GMEB2: variants seen among roughly 807,000 people sequenced by gnomAD.
The protein encoded by GMEB2 is glucocorticoid modulatory element binding protein 2.
GMEB2 carries 7 observed loss-of-function variants against 45.7 expected under a neutral mutation model. The observed-to-expected ratio is 0.15, with a 90% CI of 0.09 to 0.29. The LOEUF (loss-of-function observed/expected upper bound fraction) is 0.29. Among genes scored for constraint, GMEB2 ranks in the 10% least tolerant of loss-of-function variants. GMEB2 has a pLI of 1.00. For missense variants in GMEB2, 582 were observed against 739.2 expected (o/e 0.79, Z 2.47); for synonymous variants, 322 against 323.6 (o/e 1.00, Z 0.05).
In GMEB2 at chr20:63,597,753, C is replaced by T. The variant is rs761312114; in HGVS notation, c.461+4G>A. 14 of 1,540,692 alleles carry T rather than the reference C, an allele frequency of 9.1e-6. No individual in the cohort carries two copies. The highest frequency in any genetic ancestry group is 1.3e-5 in the Non-Finnish European group (14 of 1,113,126). The stretch of plus-strand genomic sequence containing the variant: ...AGGGAGGCTGACCCTGCGCCAGCGC[C>T]CACCTGAGCATGATGCCGTTCATGC... On this transcript the variant is annotated splice_donor_region_variant and intron_variant, in intron 5 of 9. Coordinates refer to ENST00000370077, the MANE Select transcript of GMEB2 (RefSeq NM_012384.5).
chr20:63,604,459 G>C (rs2089502935), intron 3 of GMEB2, among the ~76,000 whole-genome samples: 1 of 152,196 alleles, frequency 6.6e-6, no homozygotes, highest in African/African-American at 2.4e-5. Flanking sequence ...CTGAAACAGT[G>C]AGAAGAAAAC....
In GMEB2 at chr20:63,590,473, G is replaced by A; in HGVS notation, c.1209C>T (p.Ser403=). The part of the protein sequence containing the change: ...LTSVPLGKVV[S]TLPSTVLGKG... ...TGCCCAGGACGGTGGACGGCAGGGT[G>A]GACACCACTTTACCAAGGGGCACGC... Residue 403 remains serine, a synonymous_variant, in exon 10 of 10, where the codon TCC becomes TCT. Transcript: ENST00000370077. 2 of 1,508,998 alleles carry A rather than the reference G, an allele frequency of 1.3e-6. No homozygotes were observed. Among genetic ancestry groups the A allele is most frequent in the Non-Finnish European group, 1.8e-6 (2 of 1,122,696 alleles). 93.5% of individuals were successfully genotyped at this position (1,508,998 alleles called of 1,614,324 possible).
At position 63,626,998 on chromosome 20, in the gene GMEB2, C is replaced by T; in HGVS notation, c.-100G>A. ...CTGCTTAGGCACCCGGCGGGGGCGGCGGCGTCGGGAGCTGCGGCGGCGGCG... is the reference window on the plus strand; with the variant it reads ...CTGCTTAGGCACCCGGCGGGGGCGGTGGCGTCGGGAGCTGCGGCGGCGGCG... On this transcript the variant is annotated 5_prime_UTR_variant, in exon 1 of 10. Coordinates refer to ENST00000370077, the MANE Select transcript of GMEB2 (RefSeq NM_012384.5). 6.8e-6 allele frequency: 1 copy of T among 147,116 alleles called. No homozygotes were observed. Among genetic ancestry groups the T allele is most frequent in the Non-Finnish European group, 1.5e-5 (1 of 66,978 alleles). 9.1% of individuals were successfully genotyped at this position (147,116 alleles called of 1,614,324 possible).
intron 2 of GMEB2, among the ~76,000 whole-genome samples, chr20:63,618,210 G>A (rs2089622724): frequency 1.3e-5 from 2 of 152,192 alleles, no homozygotes. Context: ...GAATGGAGGT[G>A]TGAACATCCA....
rs34930799 is a variant in GMEB2, at chr20:63,604,053, C to CAA, written c.229+688_229+689dup. Reference sequence around the variant, plus strand: ...TGGGCGACAGAGTGAGACTCCGTCTCAAAAAAAAAAAAAAAAACAGAATTT... The same window carrying CAA: ...TGGGCGACAGAGTGAGACTCCGTCTCAAAAAAAAAAAAAAAAAAACAGAATTT... On this transcript the variant is annotated intron_variant, in intron 3 of 9. Coordinates refer to ENST00000370077, the MANE Select transcript of GMEB2 (RefSeq NM_012384.5). 9.8e-4 allele frequency among the ~76,000 whole-genome samples: 68 copies of CAA among 69,620 alleles called. 1 individual carries two copies. The highest frequency in any genetic ancestry group is 3.4e-3 in the African/African-American group (57 of 16,922). The allele number at this position is 69,620 out of a possible 152,430, so 45.7% of individuals were successfully genotyped here.
chr20:63,612,154 A>C (rs556258170), intron 2 of GMEB2, among the ~76,000 whole-genome samples: 1 of 152,384 alleles, frequency 6.6e-6, no homozygotes, highest in South Asian at 2.1e-4. Context: ...TAAGAAAGGA[A>C]AAAATATAAA....
intron 5 of GMEB2, among the ~76,000 whole-genome samples, chr20:63,596,040 T>C (rs1445691627): frequency 1.3e-5 from 2 of 152,140 alleles, no homozygotes; most frequent in Non-Finnish European, 2.9e-5. Context: ...GAGGTGCCCG[T>C]CAGAGTCTGT....
intron 3 of GMEB2, among the ~76,000 whole-genome samples, chr20:63,604,166 G>C (rs927983200): frequency 7.2e-6 from 1 of 137,946 alleles, no homozygotes; most frequent in Admixed American, 7.8e-5. Context: ...AGGAGTTCGA[G>C]ACCAGCCTGG....
At chr20:63,601,541 T>TC (rs910352094) in intron 4 of GMEB2, among the ~76,000 whole-genome samples, 29 of 151,888 alleles carry the variant, frequency 1.9e-4, no homozygotes, top group African/African-American at 6.5e-4. Flanking sequence ...TCTTTTCTTT[T>TC]TTTTTTTTTT....
chr20:63,621,043 A>C (rs2089639717), intron 1 of GMEB2, among the ~76,000 whole-genome samples: 1 of 152,218 alleles, frequency 6.6e-6, no homozygotes, highest in Non-Finnish European at 1.5e-5. Flanking sequence ...AAAATTAAAA[A>C]CGACAACCAA....
chr20:63,612,500 G>C (rs1375757880), intron 2 of GMEB2, among the ~76,000 whole-genome samples: 1 of 152,234 alleles, frequency 6.6e-6, no homozygotes, highest in Non-Finnish European at 1.5e-5. Context: ...GAAAAGGCGG[G>C]AGGCGGACGA....
chr20:63,609,742 T>C lies in GMEB2; in HGVS notation c.132-4902A>G, dbSNP rs1290820861. 3.3e-4 allele frequency among the ~76,000 whole-genome samples: 21 copies of C among 64,502 alleles called. No homozygotes were observed. The East Asian group carries it at 5.1e-3, about 16-fold the overall frequency. 42.3% of individuals were successfully genotyped at this position (64,502 alleles called of 152,430 possible). On this transcript the variant is annotated intron_variant, in intron 2 of 9. Coordinates refer to ENST00000370077, the MANE Select transcript of GMEB2 (RefSeq NM_012384.5). ...ACCCACACCTCCATTTCTAGAAACA[T>C]GTCCCTCTGACCCCACCTCCATTTC...
At chr20:63,605,506 G>C (rs2089511573) in intron 2 of GMEB2, among the ~76,000 whole-genome samples, 1 of 146,212 alleles carries the variant, frequency 6.8e-6, no homozygotes, top group Admixed American at 7.0e-5. Flanking sequence ...CTGGGCGACA[G>C]AGCAAGATGC....
chr20:63,604,099 C>T (rs1343764729), intron 3 of GMEB2, among the ~76,000 whole-genome samples: 1 of 145,572 alleles, frequency 6.9e-6, no homozygotes, highest in Non-Finnish European at 1.5e-5. Flanking sequence ...GGCTCAGTGG[C>T]TCACACCTGT....
At chr20:63,612,270 A>C (rs2089576783) in intron 2 of GMEB2, among the ~76,000 whole-genome samples, 1 of 152,236 alleles carries the variant, frequency 6.6e-6, no homozygotes, top group African/African-American at 2.4e-5. Context: ...GCATCTGGCC[A>C]AAGGGCCACC....
chr20:63,590,143 C>T lies in GMEB2; in HGVS notation c.1539G>A (p.Glu513=). Residue 513 remains glutamate, a synonymous_variant, in exon 10 of 10, where the codon GAG becomes GAA. Transcript: ENST00000370077. ...CAGCCACCTCAATGGTGGCCGTGTG[C>T]TCCTCAGGCCCGGGGGCAGCCCCTG... is the stretch of plus-strand genomic sequence containing the variant. ...VPAGAAPGPE[E]HTATIEVAAM... 1 of 1,554,950 alleles carries T rather than the reference C, an allele frequency of 6.4e-7. No homozygotes were observed. The highest frequency in any genetic ancestry group is 8.7e-7 in the Non-Finnish European group (1 of 1,148,958).
Position 63,589,995 on chromosome 20 carries a change from C to G in GMEB2, c.*94G>C, listed in dbSNP as rs1029994946. On this transcript the variant is annotated 3_prime_UTR_variant, in exon 10 of 10. Coordinates refer to ENST00000370077, the MANE Select transcript of GMEB2 (RefSeq NM_012384.5). The stretch of plus-strand genomic sequence containing the variant: ...TTCTGCAGACCACGTGACCCACCTG[C>G]CCGAGCCAGCCCTGCGGCCTCTGCC... The G allele has an allele frequency of 1.3e-4, 147 of 1,130,322 alleles. No individual in the cohort carries two copies. Among genetic ancestry groups the G allele is most frequent in the Non-Finnish European group, 1.7e-4 (140 of 831,882 alleles). The allele number at this position is 1,130,322 out of a possible 1,614,324, so 70.0% of individuals were successfully genotyped here. A position where few individuals can be genotyped will look rare whatever the true frequency, so the allele number is the denominator to read the frequency against.
intron 9 of GMEB2, among the ~76,000 whole-genome samples, chr20:63,591,604 C>T (rs1325605703): frequency 2.6e-5 from 4 of 152,284 alleles, no homozygotes; most frequent in East Asian, 1.9e-4. Context: ...GCTGGGATTA[C>T]AGGCACACAC....
intron 4 of GMEB2, among the ~76,000 whole-genome samples, chr20:63,598,305 TG>T (rs1243956645): frequency 1.3e-5 from 2 of 150,906 alleles, no homozygotes; most frequent in Non-Finnish European, 2.9e-5. Flanking sequence ...GACACCACCT[TG>T]CCCCGTGCAG....
Sources: allele counts gnomAD v4.1 joint callset (sites outside exome capture counted in the v4.1 genomes callset), GRCh38; gene constraint gnomAD v4.1.1; transcripts MANE v1.5; gene names NCBI Gene and HGNC (gene_info 2026-07-23, HGNC 2026-07-21).